The following LINC00305 variants were observed in gnomAD, a reference collection of about 807,000 sequenced individuals.
LINC00305 encodes long intergenic non-protein coding RNA 305.
chr18:64,143,759 A>C (rs34147003), intron 1 of LINC00305, among the ~76,000 whole-genome samples: 34,033 of 48,038 alleles, frequency 0.71, 11,645 homozygotes, highest in Non-Finnish European at 0.78. Flanking sequence ...ACATGTATGT[A>C]CACATATTAT....
intron 1 of LINC00305, among the ~76,000 whole-genome samples, chr18:64,145,741 T>C (rs1246241799): frequency 6.6e-6 from 1 of 152,198 alleles, no homozygotes; most frequent in Non-Finnish European, 1.5e-5. Context: ...CAAAACTGTG[T>C]TGCTCTAAGC....
chr18:64,137,534 A>G (rs2051440600), intron 1 of LINC00305, among the ~76,000 whole-genome samples: 1 of 152,332 alleles, frequency 6.6e-6, no homozygotes, highest in East Asian at 1.9e-4. Context: ...GTGGACACAG[A>G]TATCATATGT....
intron 1 of LINC00305, among the ~76,000 whole-genome samples, chr18:64,130,926 C>A (rs534619971): frequency 3.9e-5 from 6 of 152,232 alleles, no homozygotes; most frequent in Non-Finnish European, 8.8e-5. Context: ...TCATACCATC[C>A]TATGAAATGG....
At chr18:64,085,129 C>T (rs1007305964) in intron 3 of LINC00305, among the ~76,000 whole-genome samples, 2 of 152,246 alleles carry the variant, frequency 1.3e-5, no homozygotes, top group African/African-American at 4.8e-5. Context: ...AACAACTTCA[C>T]TGACTCTTGG....
At position 64,145,086 on chromosome 18, in the gene LINC00305, G is replaced by A. The variant is rs529371437; in HGVS notation, n.314+3689C>T. On this transcript the variant is annotated intron_variant and non_coding_transcript_variant, in intron 1 of 3. Coordinates refer to ENST00000666468, the Ensembl canonical transcript of LINC00305. The stretch of plus-strand genomic sequence containing the variant: ...GGTCTAACCTGTTGTCTAGCTTCAC[G>A]TCCTGTTTCCATGGATTGTTTGTAA... Among the ~76,000 whole-genome samples, 9 of 152,174 alleles carry A rather than the reference G, an allele frequency of 5.9e-5. No homozygotes were observed. The South Asian group carries it at 1.9e-3, about 32-fold the overall frequency.
intron 1 of LINC00305, among the ~76,000 whole-genome samples, chr18:64,114,218 C>G (rs2051327741): frequency 6.6e-6 from 1 of 152,080 alleles, no homozygotes; most frequent in African/African-American, 2.4e-5. Flanking sequence ...TGCAGTGAGC[C>G]GAGATTGCGC....
chr18:64,091,362 G>A (rs1380188579), intron 3 of LINC00305, among the ~76,000 whole-genome samples: 1 of 152,204 alleles, frequency 6.6e-6, no homozygotes, highest in East Asian at 1.9e-4. Flanking sequence ...AAATGGGGCA[G>A]CAAGGGTCTC....
At chr18:64,143,610 A>ACG (rs1568120137) in intron 1 of LINC00305, among the ~76,000 whole-genome samples, 3 of 111,534 alleles carry the variant, frequency 2.7e-5, no homozygotes, top group African/African-American at 8.3e-5. Context: ...GTATATGTAC[A>ACG]TATGTACACA....
intron 3 of LINC00305, among the ~76,000 whole-genome samples, chr18:64,084,415 C>T (rs1398577870): frequency 2.0e-5 from 3 of 151,904 alleles, no homozygotes; most frequent in Non-Finnish European, 4.4e-5. Context: ...CAAATGTTAC[C>T]CTGGTAACAA....
rs373519551 is a variant in LINC00305, at chr18:64,135,496, A to G, written n.314+13279T>C. 3.3e-5 allele frequency among the ~76,000 whole-genome samples: 5 copies of G among 152,240 alleles called. No homozygotes were observed. The East Asian group carries it at 5.8e-4, about 18-fold the overall frequency. On this transcript the variant is annotated intron_variant and non_coding_transcript_variant, in intron 1 of 3. Coordinates refer to ENST00000666468, the Ensembl canonical transcript of LINC00305. ...AGGGAGGAATTTGTTGGCACAATCC[A>G]GGAACAGGGAATGACAGAGATGCAG...
intron 1 of LINC00305, among the ~76,000 whole-genome samples, chr18:64,111,589 G>C (rs1467095301): frequency 6.6e-6 from 1 of 152,152 alleles, no homozygotes; most frequent in Non-Finnish European, 1.5e-5. Flanking sequence ...AAGTCAGCTG[G>C]CAGATTCCAA....
intron 3 of LINC00305, among the ~76,000 whole-genome samples, chr18:64,085,798 C>T (rs1333996620): frequency 6.6e-6 from 1 of 152,158 alleles, no homozygotes; most frequent in East Asian, 1.9e-4. Flanking sequence ...AGCATGCAGG[C>T]TCATAAAAGA....
intron 1 of LINC00305, among the ~76,000 whole-genome samples, chr18:64,105,141 C>G (rs2051284675): frequency 6.6e-6 from 1 of 152,112 alleles, no homozygotes. Flanking sequence ...CATGTAGCTT[C>G]CCTGAGGTAT....
Position 64,087,958 on chromosome 18 carries a change from C to CA in LINC00305, n.541-7557dup, listed in dbSNP as rs371978819. Among the ~76,000 whole-genome samples, 166 of 149,850 alleles carry CA rather than the reference C, an allele frequency of 1.1e-3. 2 individuals carry two copies. Among genetic ancestry groups the CA allele is most frequent in the Middle Eastern group, 3.4e-3 (1 of 290 alleles). ...TACAAAAAAAAACAAAACAAACAGACAAAAAAAAACAAATATTAGCCAGGC... is the reference window on the plus strand; with the variant it reads ...TACAAAAAAAAACAAAACAAACAGACAAAAAAAAAACAAATATTAGCCAGGC... On this transcript the variant is annotated intron_variant and non_coding_transcript_variant, in intron 3 of 3. Coordinates refer to ENST00000666468, the Ensembl canonical transcript of LINC00305.
In LINC00305 at chr18:64,107,646, C is replaced by A. The variant is rs568496669; in HGVS notation, n.315-9006G>T. Among the ~76,000 whole-genome samples, 7 of 152,252 alleles carry A rather than the reference C, an allele frequency of 4.6e-5. No homozygotes were observed. The East Asian group carries it at 1.2e-3, about 25-fold the overall frequency. Reference sequence around the variant, plus strand: ...TTAGAGAATAGAAACCAGGCTTGCCCAAGTACAGAAATATACTCATTCTTC... The same window carrying A: ...TTAGAGAATAGAAACCAGGCTTGCCAAAGTACAGAAATATACTCATTCTTC... On this transcript the variant is annotated intron_variant and non_coding_transcript_variant, in intron 1 of 3. Coordinates refer to ENST00000666468, the Ensembl canonical transcript of LINC00305.
At chr18:64,101,724 T>A (rs773442182) in intron 1 of LINC00305, among the ~76,000 whole-genome samples, 1 of 152,202 alleles carries the variant, frequency 6.6e-6, no homozygotes, top group African/African-American at 2.4e-5. Flanking sequence ...TGGGGAACAC[T>A]GTTTAACTCA....
chr18:64,100,902 GTT>G (rs1171311602), intron 1 of LINC00305, among the ~76,000 whole-genome samples: 2 of 152,256 alleles, frequency 1.3e-5, no homozygotes, highest in East Asian at 3.9e-4. Flanking sequence ...AATAGAGTGT[GTT>G]TGTATCCTCA....
At chr18:64,096,371 A>G (rs2051245215) in intron 3 of LINC00305, among the ~76,000 whole-genome samples, 1 of 152,004 alleles carries the variant, frequency 6.6e-6, no homozygotes, top group Non-Finnish European at 1.5e-5. Flanking sequence ...TGTCCGAAAC[A>G]GCAAAAATAT....
chr18:64,094,636 G>A (rs1254634741), intron 3 of LINC00305, among the ~76,000 whole-genome samples: 1 of 152,102 alleles, frequency 6.6e-6, no homozygotes, highest in Non-Finnish European at 1.5e-5. Context: ...GCTGAGGGGG[G>A]CAGATCACCT....
Sources: allele counts gnomAD v4.1 joint callset (sites outside exome capture counted in the v4.1 genomes callset), GRCh38; gene constraint gnomAD v4.1.1; transcripts MANE v1.5; gene names NCBI Gene and HGNC (gene_info 2026-07-23, HGNC 2026-07-21).